Variants in AK3 observed in about 807,000 individuals in gnomAD.
AK3 encodes GTP:AMP phosphotransferase AK3, mitochondrial.
AK3 carries 27 observed loss-of-function variants against 23.7 expected under a neutral mutation model. That is an observed-to-expected ratio of 1.14 (90% CI 0.84 to 1.57). The LOEUF is 1.57. Ranked by LOEUF, AK3 falls within the 40% of genes most tolerant of loss-of-function variation. The probability of loss-of-function intolerance (pLI) is 0.00; values close to 1 mark genes in which losing one functional copy is unlikely to be tolerated. For synonymous variants in AK3, 159 were observed against 116.0 expected (o/e 1.37, Z -2.38); for missense variants, 406 against 285.6 (o/e 1.42, Z -3.04).
chr9:4,719,016 G>T lies in AK3; in HGVS notation c.444+119C>A, dbSNP rs1841816544. The T allele has an allele frequency of 6.8e-6, 8 of 1,176,718 alleles. No individual in the cohort carries two copies. In the South Asian group the frequency reaches 1.2e-4, roughly 17 times the overall value. 72.9% of individuals were successfully genotyped at this position (1,176,718 alleles called of 1,614,324 possible). Reference sequence around the variant, plus strand: ...ATCAGTCAACTCTACCAAGTAACCTGAGAATATACCCTCAGGAGTTTTGGT... The same window carrying T: ...ATCAGTCAACTCTACCAAGTAACCTTAGAATATACCCTCAGGAGTTTTGGT... On this transcript the variant is annotated intron_variant, in intron 3 of 4. Transcript: ENST00000381809.
At chr9:4,719,095 G>A in intron 3 of AK3, 40 bp downstream of exon 3, 1 of 1,608,272 alleles carries the variant, frequency 6.2e-7, no homozygotes, top group Non-Finnish European at 8.5e-7. Flanking sequence ...GAGGACTCAG[G>A]GACAGTCTGC....
chr9:4,715,755 G>C (rs892245390), intron 4 of AK3, among the ~76,000 whole-genome samples: 9 of 152,060 alleles, frequency 5.9e-5, no homozygotes, highest in African/African-American at 2.2e-4. Flanking sequence ...GTACTTCACT[G>C]CTTTGGGGGA....
At chr9:4,725,215 G>C (rs897340446) in intron 1 of AK3, among the ~76,000 whole-genome samples, 6 of 151,370 alleles carry the variant, frequency 4.0e-5, no homozygotes, top group Non-Finnish European at 8.8e-5. Flanking sequence ...GTAGAGACAG[G>C]GTTTCACCAT....
chr9:4,720,776 T>C (rs557501302), intron 2 of AK3, among the ~76,000 whole-genome samples: 65 of 152,296 alleles, frequency 4.3e-4, no homozygotes, highest in Middle Eastern at 6.8e-3. Flanking sequence ...ATTTTCTTGT[T>C]AACAATGAAA....
intron 1 of AK3, among the ~76,000 whole-genome samples, chr9:4,737,134 A>G (rs1159419074): frequency 6.7e-6 from 1 of 150,262 alleles, no homozygotes; most frequent in African/African-American, 2.5e-5. Flanking sequence ...TCTTTACTAT[A>G]TAGTTCTTTA....
intron 1 of AK3, among the ~76,000 whole-genome samples, chr9:4,735,857 G>A (rs989465965): frequency 6.6e-6 from 1 of 151,980 alleles, no homozygotes; most frequent in Admixed American, 6.6e-5. Context: ...GCTCACGCCT[G>A]TAATCCCAGA....
intron 1 of AK3, among the ~76,000 whole-genome samples, chr9:4,728,866 T>TATATACACAC (rs1395790351): frequency 0.013 from 1,162 of 87,140 alleles, 7 homozygotes; most frequent in Non-Finnish European, 0.019. Flanking sequence ...TATATATATA[T>TATATACACAC]ACACACACAC....
intron 1 of AK3, among the ~76,000 whole-genome samples, chr9:4,734,238 G>T (rs1027641607): frequency 4.6e-5 from 7 of 152,170 alleles, no homozygotes; most frequent in African/African-American, 7.2e-5. Context: ...AACTAGACAG[G>T]CCAGGAAGAA....
chr9:4,719,498 G>A (rs1841836179), intron 2 of AK3, among the ~76,000 whole-genome samples, 191 bp from the exon 3 acceptor site: 2 of 152,164 alleles, frequency 1.3e-5, no homozygotes, highest in Admixed American at 6.5e-5. Context: ...CAACTTGACT[G>A]GGGCATGAGT....
upstream of AK3, chr9:4,741,377 G>T (rs757849551): frequency 1.9e-3 from 566 of 302,592 alleles, no homozygotes; most frequent in Non-Finnish European, 1.8e-3. Context: ...CTCTGCGCTC[G>T]CTCGGCCGCC....
At chr9:4,733,710 T>C (rs1262128043) in intron 1 of AK3, among the ~76,000 whole-genome samples, 1 of 152,148 alleles carries the variant, frequency 6.6e-6, no homozygotes, top group Non-Finnish European at 1.5e-5. Context: ...ATTACATAAA[T>C]GCCCACCTGG....
At chr9:4,734,099 C>G (rs556371109) in intron 1 of AK3, among the ~76,000 whole-genome samples, 7 of 152,200 alleles carry the variant, frequency 4.6e-5, no homozygotes, top group Admixed American at 1.3e-4. Flanking sequence ...AAGGAGGTAA[C>G]TAAGATTAAA....
chr9:4,739,190 A>G (rs1458478996), intron 1 of AK3, among the ~76,000 whole-genome samples: 1 of 151,710 alleles, frequency 6.6e-6, no homozygotes, highest in Non-Finnish European at 1.5e-5. Context: ...AAGTCAAACA[A>G]TCTCTGTTCT....
chr9:4,729,075 A>G (rs1206150269), intron 1 of AK3, among the ~76,000 whole-genome samples: 3 of 148,274 alleles, frequency 2.0e-5, no homozygotes, highest in Non-Finnish European at 4.4e-5. Flanking sequence ...CAATGGCGCA[A>G]TCTTGGCTCA....
chr9:4,737,743 A>G (rs948937144), intron 1 of AK3, among the ~76,000 whole-genome samples: 1 of 152,124 alleles, frequency 6.6e-6, no homozygotes, highest in Non-Finnish European at 1.5e-5. Context: ...ACAATAAAAG[A>G]GAGGACTGGA....
At chr9:4,724,264 A>C (rs1841970908) in intron 1 of AK3, among the ~76,000 whole-genome samples, 1 of 152,148 alleles carries the variant, frequency 6.6e-6, no homozygotes, top group South Asian at 2.1e-4. Context: ...ATTTGGAAAA[A>C]AAAATGTAAA....
intron 1 of AK3, among the ~76,000 whole-genome samples, chr9:4,740,438 C>T (rs939339928): frequency 1.3e-5 from 2 of 152,092 alleles, no homozygotes; most frequent in African/African-American, 2.4e-5. Flanking sequence ...AATACTTGGC[C>T]TTGGGAATAT....
intron 4 of AK3, among the ~76,000 whole-genome samples, chr9:4,716,054 G>A (rs1467030701): frequency 1.3e-5 from 2 of 152,182 alleles, no homozygotes; most frequent in Admixed American, 6.6e-5. Flanking sequence ...ACCTGAGACT[G>A]AAGCCAGCAC....
chr9:4,733,634 G>C (rs374211734), intron 1 of AK3, among the ~76,000 whole-genome samples: 3 of 152,160 alleles, frequency 2.0e-5, no homozygotes, highest in Admixed American at 1.3e-4. Context: ...TCCAGAAAGA[G>C]TTCCTGTTCC....
Sources: gnomAD v4.1 joint callset for allele counts (sites outside exome capture counted in the v4.1 genomes callset) on GRCh38, gnomAD v4.1.1 for gene constraint, MANE v1.5 for transcripts, NCBI Gene and HGNC (gene_info 2026-07-23, HGNC 2026-07-21) for gene names.